The following FAM193A variants were observed in gnomAD, a reference collection of about 807,000 sequenced individuals.
FAM193A encodes family with sequence similarity 193 member A.
FAM193A carries 22 observed loss-of-function variants against 126.5 expected under a neutral mutation model. That is an observed-to-expected ratio of 0.17 (90% CI 0.12 to 0.25). FAM193A has a LOEUF of 0.25. Ranked by LOEUF, FAM193A falls within the 10% of genes least tolerant of loss-of-function variation. The pLI is 1.00. For missense variants in FAM193A, 1,675 were observed against 1,672.8 expected (o/e 1.00, Z -0.02); for synonymous variants, 761 against 646.8 (o/e 1.18, Z -2.68).
At chr4:2,570,713 G>C (rs1193823626) in intron 1 of FAM193A, among the ~76,000 whole-genome samples, 1 of 152,166 alleles carries the variant, frequency 6.6e-6, no homozygotes, top group Non-Finnish European at 1.5e-5. Flanking sequence ...AGGGGGACCA[G>C]TTACCCCATG....
chr4:2,626,788 A>G (rs1006161324), intron 4 of FAM193A, among the ~76,000 whole-genome samples: 2 of 152,154 alleles, frequency 1.3e-5, no homozygotes, highest in East Asian at 1.9e-4. Flanking sequence ...ATGAAACGCT[A>G]TTGCCTGTAT....
At chr4:2,641,891 C>T (rs1390399736) in intron 6 of FAM193A, among the ~76,000 whole-genome samples, 1 of 151,830 alleles carries the variant, frequency 6.6e-6, no homozygotes, top group East Asian at 1.9e-4. Context: ...ATTGCTTAAG[C>T]CTAGGAGCTG....
chr4:2,701,961 G>A (rs1446030506), intron 19 of FAM193A, among the ~76,000 whole-genome samples: 1 of 151,980 alleles, frequency 6.6e-6, no homozygotes, highest in Non-Finnish European at 1.5e-5. Context: ...TAGTAGAGAT[G>A]GGATTTCACC....
intron 5 of FAM193A, among the ~76,000 whole-genome samples, chr4:2,632,342 G>C (rs1743673412): frequency 6.6e-6 from 1 of 152,110 alleles, no homozygotes; most frequent in Admixed American, 6.6e-5. Flanking sequence ...AAAGTGGGAG[G>C]ATCACTTGAG....
At chr4:2,635,684 C>T (rs1488860110) in intron 5 of FAM193A, among the ~76,000 whole-genome samples, 1 of 152,174 alleles carries the variant, frequency 6.6e-6, no homozygotes, top group Non-Finnish European at 1.5e-5. Context: ...AGGTGCCTGC[C>T]ACCACATCTG....
chr4:2,631,551 T>C (rs962705149), intron 5 of FAM193A, among the ~76,000 whole-genome samples: 1 of 152,184 alleles, frequency 6.6e-6, no homozygotes, highest in Non-Finnish European at 1.5e-5. Context: ...ACAGAGCTGG[T>C]ATTAGGTGAA....
At chr4:2,561,686 G>C (rs1738625080) in intron 1 of FAM193A, among the ~76,000 whole-genome samples, 1 of 147,424 alleles carries the variant, frequency 6.8e-6, no homozygotes, top group Admixed American at 6.8e-5. Context: ...TAGTACAGAC[G>C]GGGTTTCACC....
intron 20 of FAM193A, among the ~76,000 whole-genome samples, chr4:2,727,026 C>G (rs1720833954): frequency 6.6e-6 from 1 of 151,660 alleles, no homozygotes; most frequent in African/African-American, 2.4e-5. Flanking sequence ...TTTGGGAGGC[C>G]AAAGCGGGCG....
At position 2,699,760 on chromosome 4, in the gene FAM193A, G is replaced by A. The variant is rs774690245; in HGVS notation, c.3588G>A (p.Glu1196=). The change falls in exon 19 of 21, where the codon GAG becomes GAA. Residue 1196 remains glutamate, a synonymous_variant. Transcript: ENST00000637812. Reference sequence around the variant, plus strand: ...TCCAGGAGGAGCAGAGGCGGCGGGAGGAGGAGGAGGATGAGGAAGAAGAGG... The same window carrying A: ...TCCAGGAGGAGCAGAGGCGGCGGGAAGAGGAGGAGGATGAGGAAGAAGAGG... The part of the protein sequence containing the change: ...LHLQEEQRRR[E]EEEDEEEEED... 4 of 1,613,870 alleles carry A rather than the reference G, an allele frequency of 2.5e-6. No individual in the cohort carries two copies. The highest frequency in any genetic ancestry group is 1.7e-4 in the Middle Eastern group (1 of 6,030).
rs900588174 is a variant in FAM193A, at chr4:2,608,136, T to C, written c.501+11807T>C. 1.7e-5 allele frequency: 27 copies of C among 1,593,272 alleles called. No homozygotes were observed. The Middle Eastern group carries it at 1.1e-3, about 67-fold the overall frequency. ...TACTATATCTCCTTGTAGATTGATC[T>C]TAACCTGAAAATAAAAAAATAAAAA... On this transcript the variant is annotated intron_variant, in intron 2 of 20. Coordinates refer to ENST00000637812, the MANE Select transcript of FAM193A (RefSeq NM_001366318.2).
At chr4:2,546,458 G>T (rs1289090963) in intron 1 of FAM193A, among the ~76,000 whole-genome samples, 1 of 152,108 alleles carries the variant, frequency 6.6e-6, no homozygotes, top group Non-Finnish European at 1.5e-5. Context: ...CCATTACTGT[G>T]TTGCTTGGTA....
intron 1 of FAM193A, among the ~76,000 whole-genome samples, chr4:2,548,071 ATTT>A (rs35770924): frequency 1.9e-4 from 24 of 127,756 alleles, no homozygotes; most frequent in Admixed American, 2.4e-4. Flanking sequence ...GACTTTGCCT[ATTT>A]TTTTTTTTTT....
At chr4:2,559,594 C>T (rs207464232) in intron 1 of FAM193A, among the ~76,000 whole-genome samples, 6 of 152,186 alleles carry the variant, frequency 3.9e-5, no homozygotes, top group Admixed American at 2.6e-4. Context: ...CTTTGCCCAG[C>T]CCTGTCCTGC....
chr4:2,621,155 G>A (rs1433566980), intron 2 of FAM193A, among the ~76,000 whole-genome samples: 2 of 152,160 alleles, frequency 1.3e-5, no homozygotes, highest in African/African-American at 4.8e-5. Context: ...GATGAGAAAA[G>A]CACAGGAACC....
intron 2 of FAM193A, among the ~76,000 whole-genome samples, chr4:2,610,288 C>T (rs1741786888): frequency 6.6e-6 from 1 of 152,096 alleles, no homozygotes; most frequent in South Asian, 2.1e-4. Context: ...TGAATTGTTA[C>T]CCAATGGTTA....
intron 2 of FAM193A, among the ~76,000 whole-genome samples, chr4:2,603,354 G>A (rs1467288554): frequency 5.3e-5 from 8 of 149,908 alleles, no homozygotes; most frequent in South Asian, 2.1e-4. Flanking sequence ...GCGTGATTTC[G>A]GCTCAACGCA....
intron 1 of FAM193A, among the ~76,000 whole-genome samples, chr4:2,576,351 G>A (rs1472123136): frequency 2.6e-5 from 4 of 152,196 alleles, no homozygotes; most frequent in African/African-American, 9.7e-5. Context: ...GCCTGCCTCG[G>A]CCTCCCAGAG....
rs572028718 is a variant in FAM193A at position 2,698,217 on chromosome 4, C to T, written c.3508-1463C>T. Among the ~76,000 whole-genome samples the T allele has an allele frequency of 3.9e-5, 6 of 152,334 alleles. No homozygotes were observed. The East Asian group carries it at 7.7e-4, about 20-fold the overall frequency. On this transcript the variant is annotated intron_variant, in intron 18 of 20. Transcript: ENST00000637812. ...AACCGGGGGCCTGTGCTGGGGCAGC[C>T]GTTCTGCTGGAGACCAGGGCACCTG...
chr4:2,639,894 G>A (rs1744448372), intron 6 of FAM193A, 35 bp downstream of exon 6: 1 of 1,600,160 alleles, frequency 6.2e-7, no homozygotes, highest in Non-Finnish European at 8.5e-7. Flanking sequence ...TCTTTGTGGT[G>A]TGACAGCACA....
Sources: allele counts gnomAD v4.1 joint callset (sites outside exome capture counted in the v4.1 genomes callset), GRCh38; gene constraint gnomAD v4.1.1; transcripts MANE v1.5; gene names NCBI Gene and HGNC (gene_info 2026-07-23, HGNC 2026-07-21).